SLC9B2: variants seen among roughly 807,000 people sequenced by gnomAD.
The protein encoded by SLC9B2 is solute carrier family 9 member B2.
A neutral mutation model predicts 52.2 loss-of-function variants in SLC9B2; 39 were observed. The observed-to-expected ratio is 0.75, with a 90% CI of 0.58 to 0.98. The LOEUF (loss-of-function observed/expected upper bound fraction) is 0.98, where lower values mean the gene tolerates loss of function less well. Among genes scored for constraint, SLC9B2 ranks in the 50% least tolerant of loss-of-function variants. SLC9B2 has a pLI of 0.00. For missense variants in SLC9B2, 626 were observed against 637.5 expected (o/e 0.98, Z 0.19); for synonymous variants, 214 against 227.0 (o/e 0.94, Z 0.51).
At chr4:103,026,640 A>AT in intron 11 of SLC9B2, 49 bp from the exon 12 acceptor site, 1 of 1,527,366 alleles carries the variant, frequency 6.5e-7, no homozygotes, top group Non-Finnish European at 8.8e-7. Context: ...ATAAGCACAT[A>AT]TAAAAAAAGT....
rs575635411 is a variant in SLC9B2, at chr4:103,044,893, G to A, written c.993C>T (p.Asp331=). ...GFFIQYFPSR[D]QDKLVCKRTF... Reference sequence around the variant, plus strand: ...TCCCACATATTATTTCTTTCACCTGGTCACGGCTTGGAAAGTACTGAATGA... The same window carrying A: ...TCCCACATATTATTTCTTTCACCTGATCACGGCTTGGAAAGTACTGAATGA... Residue 331 remains aspartate, a synonymous_variant, in exon 8 of 12, where the codon GAC becomes GAT. Transcript: ENST00000394785. 2 of 1,611,386 alleles carry A rather than the reference G, an allele frequency of 1.2e-6. No homozygotes were observed. The highest frequency in any genetic ancestry group is 1.7e-6 in the Non-Finnish European group (2 of 1,177,860).
intron 9 of SLC9B2, among the ~76,000 whole-genome samples, chr4:103,041,809 G>A (rs1743670264): frequency 6.6e-6 from 1 of 152,040 alleles, no homozygotes; most frequent in African/African-American, 2.4e-5. Context: ...AAATTAATCT[G>A]AGCTTAAATC....
intron 4 of SLC9B2, among the ~76,000 whole-genome samples, chr4:103,053,525 C>T (rs1744867438): frequency 6.6e-6 from 1 of 152,014 alleles, no homozygotes; most frequent in Non-Finnish European, 1.5e-5. Flanking sequence ...TTGCAATAGG[C>T]ATGGAGTGAA....
At position 103,028,866 on chromosome 4, in the gene SLC9B2, C is replaced by T. The variant is rs762137568; in HGVS notation, c.1273G>A (p.Val425Ile). The change falls in exon 11 of 12, where the codon GTA (valine) becomes ATA (isoleucine). Residue 425 changes from valine (V) to isoleucine (I), a missense_variant. Coordinates refer to ENST00000394785, the MANE Select transcript of SLC9B2 (RefSeq NM_178833.7). Reference protein sequence around the residue: ...PETVGLCVATVGIAVLIRILT... With the variant: ...PETVGLCVATIGIAVLIRILT... Reference sequence around the variant, plus strand: ...ATTCGTATCAATACTGCAATGCCTACGGTGGCAACACAAAGGCCTGTAAGA... The same window carrying T: ...ATTCGTATCAATACTGCAATGCCTATGGTGGCAACACAAAGGCCTGTAAGA... 33 of 1,592,904 alleles carry T rather than the reference C, an allele frequency of 2.1e-5. No individual in the cohort carries two copies. Among genetic ancestry groups the T allele is most frequent in the Middle Eastern group, 1.7e-4 (1 of 6,024 alleles).
At chr4:103,020,720 T>C (rs1410025067), downstream of SLC9B2, among the ~76,000 whole-genome samples, 1 of 152,112 alleles carries the variant, frequency 6.6e-6, no homozygotes, top group East Asian at 1.9e-4. Context: ...CCCTGCAGCC[T>C]CCTCCTCCTT....
intron 4 of SLC9B2, among the ~76,000 whole-genome samples, chr4:103,055,878 A>G (rs1468869190): frequency 6.9e-6 from 1 of 145,350 alleles, no homozygotes; most frequent in Admixed American, 7.3e-5. Context: ...ATCTCGGCTC[A>G]CTGCATGCTC....
At chr4:103,058,021 G>A in intron 3 of SLC9B2, 50 bp from the exon 4 acceptor site, 3 of 1,474,060 alleles carry the variant, frequency 2.0e-6, no homozygotes, top group South Asian at 1.3e-5. Flanking sequence ...GTCACATGGA[G>A]GTTTTGACAA....
At chr4:103,068,659 G>GT (rs1746358484) in intron 1 of SLC9B2, among the ~76,000 whole-genome samples, 1 of 152,132 alleles carries the variant, frequency 6.6e-6, no homozygotes. Flanking sequence ...TATTAATCAA[G>GT]TTTTTTCTTC....
chr4:103,020,049 G>A (rs1462033489), downstream of SLC9B2: 4 of 461,164 alleles, frequency 8.7e-6, no homozygotes, highest in Non-Finnish European at 8.8e-6. Flanking sequence ...TCCCCAAGAC[G>A]GCCTGAGCTT....
At chr4:103,073,698 A>G (rs1407185319) in intron 1 of SLC9B2, among the ~76,000 whole-genome samples, 2 of 152,222 alleles carry the variant, frequency 1.3e-5, no homozygotes, top group African/African-American at 2.4e-5. Flanking sequence ...GAATAAAAGG[A>G]AATTACCCCT....
At position 103,023,108 on chromosome 4, in the gene SLC9B2, G is replaced by A. The variant is rs1369259314; in HGVS notation, c.*3262C>T. ...GCCCAAGCTGACTAAGATAGACTAA[G>A]TGGACTAAGATCCGAACTGTCGTGT... On this transcript the variant is annotated 3_prime_UTR_variant, in exon 12 of 12. Transcript: ENST00000394785. Among the ~76,000 whole-genome samples, 1 of 152,214 alleles carries A rather than the reference G, an allele frequency of 6.6e-6. No individual in the cohort carries two copies. Among genetic ancestry groups the A allele is most frequent in the African/African-American group, 2.4e-5 (1 of 41,444 alleles).
chr4:103,029,798 T>C (rs1478879626), intron 10 of SLC9B2, among the ~76,000 whole-genome samples: 1 of 152,158 alleles, frequency 6.6e-6, no homozygotes, highest in Non-Finnish European at 1.5e-5. Context: ...AAGCTTTAAA[T>C]GTATTATTTT....
chr4:103,054,103 C>A (rs529562374), intron 4 of SLC9B2, among the ~76,000 whole-genome samples: 1 of 152,118 alleles, frequency 6.6e-6, no homozygotes, highest in East Asian at 1.9e-4. Context: ...TAAAGTGAGA[C>A]CCTGTCTCTG....
At chr4:103,067,003 A>T (rs1285377098) in intron 2 of SLC9B2, among the ~76,000 whole-genome samples, 1 of 151,868 alleles carries the variant, frequency 6.6e-6, no homozygotes, top group Non-Finnish European at 1.5e-5. Flanking sequence ...AAAAAAAAAA[A>T]TCCAAGACAC....
intron 6 of SLC9B2, among the ~76,000 whole-genome samples, chr4:103,048,150 G>C (rs1744336165): frequency 6.6e-6 from 1 of 152,202 alleles, no homozygotes; most frequent in Non-Finnish European, 1.5e-5. Context: ...AACAACAGCA[G>C]TGGTAACAGC....
intron 9 of SLC9B2, among the ~76,000 whole-genome samples, chr4:103,034,316 G>T (rs1225945204): frequency 1.3e-5 from 2 of 151,850 alleles, no homozygotes; most frequent in Non-Finnish European, 2.9e-5. Context: ...TAAGATGAAT[G>T]AAAGACTTAA....
At chr4:103,067,398 G>C in intron 2 of SLC9B2, 63 bp downstream of exon 2, 1 of 1,446,478 alleles carries the variant, frequency 6.9e-7, no homozygotes, top group Non-Finnish European at 9.7e-7. Context: ...TTGGGGATAG[G>C]AGAATTGGTA....
chr4:103,059,729 A>G (rs184200086), intron 3 of SLC9B2, among the ~76,000 whole-genome samples: 1 of 152,350 alleles, frequency 6.6e-6, no homozygotes, highest in African/African-American at 2.4e-5. Flanking sequence ...ACAAAACTGC[A>G]AATTCCATAC....
intron 3 of SLC9B2, among the ~76,000 whole-genome samples, chr4:103,062,646 G>T (rs1745768790): frequency 6.6e-6 from 1 of 152,006 alleles, no homozygotes. Flanking sequence ...TTTTGAGACA[G>T]TTTCACTCTT....
Sources: allele counts gnomAD v4.1 joint callset (sites outside exome capture counted in the v4.1 genomes callset), GRCh38; gene constraint gnomAD v4.1.1; transcripts MANE v1.5; gene names NCBI Gene and HGNC (gene_info 2026-07-23, HGNC 2026-07-21).